CCDC3: variants seen among roughly 807,000 people sequenced by gnomAD.
The protein encoded by CCDC3 is coiled-coil domain-containing protein 3.
CCDC3 carries 24 observed loss-of-function variants against 21.4 expected under a neutral mutation model. That is an observed-to-expected ratio of 1.12 (90% CI 0.81 to 1.58). CCDC3 has a LOEUF of 1.58. Among genes scored for constraint, CCDC3 ranks in the 40% most tolerant of loss-of-function variants. The pLI is 0.00. For missense variants in CCDC3, 425 were observed against 360.9 expected (o/e 1.18, Z -1.44); for synonymous variants, 186 against 166.0 (o/e 1.12, Z -0.93).
chr10:13,051,075 GCT>G (rs1836600911), intron 4 of CCDC3, among the ~76,000 whole-genome samples: 1 of 152,190 alleles, frequency 6.6e-6, no homozygotes, highest in Non-Finnish European at 1.5e-5. Flanking sequence ...ATAGGTGTGA[GCT>G]CTGTGTCTAA....
intron 5 of CCDC3, among the ~76,000 whole-genome samples, chr10:13,021,290 C>G (rs571542333): frequency 2.0e-5 from 3 of 152,342 alleles, no homozygotes; most frequent in Admixed American, 2.0e-4. Context: ...CATCTTTTTA[C>G]TCCTATCAAT....
intron 2 of CCDC3, among the ~76,000 whole-genome samples, chr10:12,974,427 T>C (rs1835386445): frequency 6.6e-6 from 1 of 152,230 alleles, no homozygotes; most frequent in African/African-American, 2.4e-5. Flanking sequence ...TCACAGTTGT[T>C]ATCTCCAGGA....
At chr10:13,068,151 A>C (rs1465467747) in intron 4 of CCDC3, among the ~76,000 whole-genome samples, 1 of 152,136 alleles carries the variant, frequency 6.6e-6, no homozygotes, top group East Asian at 1.9e-4. Flanking sequence ...AAATGCAGAT[A>C]TATCCCTCTC....
chr10:13,029,492 GA>G (rs1836269913), intron 5 of CCDC3, among the ~76,000 whole-genome samples: 1 of 152,170 alleles, frequency 6.6e-6, no homozygotes, highest in Non-Finnish European at 1.5e-5. Flanking sequence ...GAATGACTTT[GA>G]CAAGTTGAGA....
At chr10:13,022,741 G>A (rs1836163037) in intron 5 of CCDC3, among the ~76,000 whole-genome samples, 1 of 152,096 alleles carries the variant, frequency 6.6e-6, no homozygotes, top group South Asian at 2.1e-4. Context: ...CCAACCAAAT[G>A]TCCCTCCTTT....
intron 2 of CCDC3, among the ~76,000 whole-genome samples, chr10:12,986,690 C>T (rs924784555): frequency 4.0e-5 from 6 of 151,558 alleles, no homozygotes; most frequent in African/African-American, 7.2e-5. Context: ...AGGAGAATGG[C>T]GTGACGCGGG....
chr10:13,024,168 C>A (rs1427717871), intron 5 of CCDC3, among the ~76,000 whole-genome samples: 1 of 152,072 alleles, frequency 6.6e-6, no homozygotes, highest in Admixed American at 6.6e-5. Flanking sequence ...TTACTTCCTC[C>A]CCATAGAAGT....
At chr10:13,065,851 C>A (rs1026873387) in intron 4 of CCDC3, among the ~76,000 whole-genome samples, 7 of 152,188 alleles carry the variant, frequency 4.6e-5, no homozygotes, top group Admixed American at 3.3e-4. Context: ...CAGACAGGAA[C>A]CGAGTCTCTT....
intron 3 of CCDC3, among the ~76,000 whole-genome samples, chr10:13,081,183 T>C (rs1027992712): frequency 7.5e-6 from 1 of 133,926 alleles, no homozygotes; most frequent in African/African-American, 2.7e-5. Context: ...AAAAAAAAAA[T>C]ACCTATAGGT....
At chr10:12,950,839 G>C (rs570164426) in intron 2 of CCDC3, among the ~76,000 whole-genome samples, 5 of 152,252 alleles carry the variant, frequency 3.3e-5, no homozygotes, top group Non-Finnish European at 5.9e-5. Context: ...GGAAGATATG[G>C]GGGGCTTGGG....
intron 2 of CCDC3, among the ~76,000 whole-genome samples, chr10:12,899,345 G>A (rs1430278777): frequency 6.6e-6 from 1 of 152,180 alleles, no homozygotes; most frequent in Non-Finnish European, 1.5e-5. Context: ...TCAGAGTCAG[G>A]ATTTGGGAAA....
intron 3 of CCDC3, among the ~76,000 whole-genome samples, chr10:13,086,034 G>C (rs1837099372): frequency 6.6e-6 from 1 of 151,704 alleles, no homozygotes; most frequent in Non-Finnish European, 1.5e-5. Context: ...TGGATGAAAA[G>C]ATAATTAATT....
At chr10:13,068,134 G>T (rs943112993) in intron 4 of CCDC3, among the ~76,000 whole-genome samples, 5 of 152,080 alleles carry the variant, frequency 3.3e-5, no homozygotes, top group Non-Finnish European at 5.9e-5. Context: ...ATGGAACCCC[G>T]GGAATTAAAT....
At chr10:12,967,613 G>A (rs569604447) in intron 2 of CCDC3, among the ~76,000 whole-genome samples, 154 of 152,124 alleles carry the variant, frequency 1.0e-3, no homozygotes, top group African/African-American at 3.4e-3. Context: ...AAAATATGCA[G>A]CCAGCAAAGA....
chr10:13,065,388 A>G (rs1403768371), intron 4 of CCDC3, among the ~76,000 whole-genome samples: 2 of 152,188 alleles, frequency 1.3e-5, no homozygotes, highest in Non-Finnish European at 2.9e-5. Flanking sequence ...TAGCATAAAA[A>G]TGGTCCAATG....
intron 2 of CCDC3, among the ~76,000 whole-genome samples, chr10:12,899,673 T>C (rs1193391570): frequency 2.0e-5 from 3 of 152,220 alleles, no homozygotes; most frequent in South Asian, 2.1e-4. Flanking sequence ...GGTGTTCATA[T>C]TGAAAAGCTG....
At chr10:12,949,286 T>C (rs905662761) in intron 2 of CCDC3, among the ~76,000 whole-genome samples, 1 of 152,206 alleles carries the variant, frequency 6.6e-6, no homozygotes, top group African/African-American at 2.4e-5. Context: ...GAGTAAGTTT[T>C]GGCTATGGGA....
chr10:12,900,520 TACAAAA>T (rs1834075818), intron 2 of CCDC3, among the ~76,000 whole-genome samples: 1 of 6,392 alleles, frequency 1.6e-4, no homozygotes, highest in Admixed American at 1.7e-3. Context: ...CTACTAAAAA[TACAAAA>T]AAAAAAAAAA....
At chr10:13,079,691 C>T (rs113889452) in intron 3 of CCDC3, among the ~76,000 whole-genome samples, 31 of 152,210 alleles carry the variant, frequency 2.0e-4, no homozygotes, top group African/African-American at 3.1e-4. Flanking sequence ...ATCACACAAA[C>T]GTCCAGTAGT....
Sources: gnomAD v4.1 joint callset for allele counts (sites outside exome capture counted in the v4.1 genomes callset) on GRCh38, gnomAD v4.1.1 for gene constraint, MANE v1.5 for transcripts, NCBI Gene and HGNC (gene_info 2026-07-23, HGNC 2026-07-21) for gene names.